Variants in CACNA1E observed in about 807,000 individuals in gnomAD.
The protein encoded by CACNA1E is calcium voltage-gated channel subunit alpha1 E, also known as voltage-dependent R-type calcium channel subunit alpha-1E.
A neutral mutation model predicts 259.2 loss-of-function variants in CACNA1E; 40 were observed. The ratio of observed to expected loss-of-function variants is 0.15; its 90% CI spans 0.12 to 0.20. The LOEUF (loss-of-function observed/expected upper bound fraction) is 0.20, where lower values mean the gene tolerates loss of function less well. Among genes scored for constraint, CACNA1E ranks in the 10% least tolerant of loss-of-function variants. The probability of loss-of-function intolerance (pLI) is 1.00; values close to 1 mark genes in which losing one functional copy is unlikely to be tolerated. For synonymous variants in CACNA1E, 1,104 were observed against 1,138.5 expected (o/e 0.97, Z 0.61); for missense variants, 1,874 against 3,040.1 (o/e 0.62, Z 9.02).
intron 3 of CACNA1E, among the ~76,000 whole-genome samples, chr1:181,542,163 C>G (rs982787542): frequency 6.6e-6 from 1 of 152,168 alleles, no homozygotes; most frequent in Non-Finnish European, 1.5e-5. Flanking sequence ...CTGCAAACCC[C>G]AGCTGACAGC....
At chr1:181,768,250 T>C (rs1242764670) in intron 35 of CACNA1E, among the ~76,000 whole-genome samples, 3 of 152,164 alleles carry the variant, frequency 2.0e-5, no homozygotes, top group Non-Finnish European at 4.4e-5. Flanking sequence ...CTGTTTATCA[T>C]TATTTAAATT....
chr1:181,785,809 G>A lies in CACNA1E; in HGVS notation c.5776G>A (p.Val1926Ile), dbSNP rs765549822. ...KALPYLQQDP[V>I]SGLSGRSGYP... ...CCTGCCTTACCTCCAGCAGGACCCC[G>A]TTTCAGGCCTGTGAGTAGCACCAAA... The change falls in exon 43 of 48, where the codon GTT becomes ATT. Residue 1926 changes from valine to isoleucine, a missense_variant. Around this residue, in one of 14 missense-constraint regions of CACNA1E, gnomAD observed 542 missense variants for 587.2 expected, o/e 0.92. Transcript: ENST00000367573. The A allele has an allele frequency of 1.1e-5, 17 of 1,605,174 alleles. No individual in the cohort carries two copies. Among genetic ancestry groups the A allele is most frequent in the South Asian group, 6.7e-5 (6 of 89,782 alleles).
intron 6 of CACNA1E, among the ~76,000 whole-genome samples, chr1:181,587,544 C>G (rs1359166160): frequency 2.0e-5 from 3 of 152,076 alleles, no homozygotes; most frequent in Non-Finnish European, 4.4e-5. Context: ...GGCGGAGAAA[C>G]CGTGAAAAGG....
chr1:181,458,286 G>A (rs1661586050), intron 2 of CACNA1E, among the ~76,000 whole-genome samples: 1 of 152,168 alleles, frequency 6.6e-6, no homozygotes, highest in Non-Finnish European at 1.5e-5. Flanking sequence ...GGGGACTCCT[G>A]GTGTTACAGA....
At chr1:181,360,300 C>T (rs1439261082) in intron 1 of CACNA1E, among the ~76,000 whole-genome samples, 1 of 152,184 alleles carries the variant, frequency 6.6e-6, no homozygotes, top group African/African-American at 2.4e-5. Context: ...TGGTACATGC[C>T]TGTTCATAGA....
chr1:181,409,908 G>A (rs999932067), intron 1 of CACNA1E, among the ~76,000 whole-genome samples: 18 of 152,236 alleles, frequency 1.2e-4, no homozygotes, highest in African/African-American at 3.9e-4. Flanking sequence ...TTGGCAAAGT[G>A]TCTGGGAAGA....
At position 181,330,491 on chromosome 1, in the gene CACNA1E, G is replaced by A. The variant is rs539007685; in HGVS notation, c.-15+12368G>A. Among the ~76,000 whole-genome samples, 7 of 152,298 alleles carry A rather than the reference G, an allele frequency of 4.6e-5. No homozygotes were observed. The East Asian group carries it at 1.4e-3, about 29-fold the overall frequency. ...AGCCTGGGGAAGGTGCCTGGGGAAC[G>A]GGGCAAACACAGCCCGAGTTCCGTG... On this transcript the variant is annotated intron_variant, in intron 1 of 11. Transcript: ENST00000524607.
At chr1:181,509,014 G>A (rs899736717) in intron 1 of CACNA1E, among the ~76,000 whole-genome samples, 8 of 152,114 alleles carry the variant, frequency 5.3e-5, no homozygotes, top group African/African-American at 1.9e-4. Flanking sequence ...CTAGAGGTGC[G>A]TGGGAAGGAA....
chr1:181,615,656 T>G (rs1655139618), intron 6 of CACNA1E, among the ~76,000 whole-genome samples: 1 of 152,238 alleles, frequency 6.6e-6, no homozygotes, highest in Admixed American at 6.5e-5. Flanking sequence ...TGAAGATTCT[T>G]TTGGATTTTC....
Position 181,651,707 on chromosome 1 carries a change from C to A in CACNA1E, c.1055+266C>A, listed in dbSNP as rs1658773688. 2.6e-5 allele frequency: 7 copies of A among 273,280 alleles called. No individual in the cohort carries two copies. In the South Asian group the frequency reaches 3.3e-4, roughly 13 times the overall value. 16.9% of individuals were successfully genotyped at this position (273,280 alleles called of 1,614,324 possible). A position where few individuals can be genotyped will look rare whatever the true frequency, so the allele number is the denominator to read the frequency against. ...ATGTAGTGAGAGTTCATTTATTCAT[C>A]CATGCTTTCATTCAGTAACTCAGCA... On this transcript the variant is annotated intron_variant, in intron 7 of 47. Coordinates refer to ENST00000367573, the MANE Select transcript of CACNA1E (RefSeq NM_001205293.3).
At chr1:181,728,117 C>T (rs1655086638) in intron 18 of CACNA1E, among the ~76,000 whole-genome samples, 1 of 152,194 alleles carries the variant, frequency 6.6e-6, no homozygotes, top group Non-Finnish European at 1.5e-5. Flanking sequence ...GTAATTTCTA[C>T]TCCACCTTCC....
At chr1:181,526,021 C>T (rs1667332447) in intron 3 of CACNA1E, among the ~76,000 whole-genome samples, 1 of 152,094 alleles carries the variant, frequency 6.6e-6, no homozygotes. Context: ...TGGAAAAGGG[C>T]TCCTTAATTC....
chr1:181,375,792 C>A (rs1356723790), intron 1 of CACNA1E, among the ~76,000 whole-genome samples: 1 of 152,152 alleles, frequency 6.6e-6, no homozygotes, highest in Admixed American at 6.5e-5. Context: ...CTCTGGGAGA[C>A]CTTTCCTGAT....
At chr1:181,510,839 C>G (rs554008848) in intron 2 of CACNA1E, among the ~76,000 whole-genome samples, 5 of 152,340 alleles carry the variant, frequency 3.3e-5, no homozygotes, top group Admixed American at 1.3e-4. Flanking sequence ...CTCCTCTTTC[C>G]TAAGGGACTT....
At chr1:181,676,983 T>A (rs1466619212) in intron 7 of CACNA1E, among the ~76,000 whole-genome samples, 1 of 152,216 alleles carries the variant, frequency 6.6e-6, no homozygotes, top group East Asian at 1.9e-4. Context: ...CCTCCTGAAC[T>A]GTAATAGATG....
chr1:181,577,664 G>C, intron 3 of CACNA1E, 102 bp from the exon 4 acceptor site: 1 of 700,266 alleles, frequency 1.4e-6, no homozygotes. Flanking sequence ...CGTCAGCGCT[G>C]TGTGCTTTCC....
chr1:181,688,691 A>T (rs888527420), intron 7 of CACNA1E, among the ~76,000 whole-genome samples: 1 of 152,208 alleles, frequency 6.6e-6, no homozygotes, highest in Non-Finnish European at 1.5e-5. Context: ...GTAATTGTCA[A>T]ATATACAATA....
intron 2 of CACNA1E, among the ~76,000 whole-genome samples, chr1:181,441,775 GT>G (rs1008872339): frequency 6.6e-6 from 1 of 152,166 alleles, no homozygotes; most frequent in African/African-American, 2.4e-5. Context: ...CTGTAAGTGT[GT>G]TTGGGCTGGA....
At chr1:181,718,611 AACACACACACACACACACACACACACAC>A (rs60522141) in intron 12 of CACNA1E, among the ~76,000 whole-genome samples, 6 of 124,246 alleles carry the variant, frequency 4.8e-5, no homozygotes, top group African/African-American at 9.2e-5. Flanking sequence ...CCCTCATTCA[AACACACACACACACACACACACACACAC>A]ACACACACAC....
Sources: gnomAD v4.1 joint callset for allele counts (sites outside exome capture counted in the v4.1 genomes callset) on GRCh38, gnomAD v4.1.1 for gene constraint, gnomAD v4.1.1 regional missense constraint, MANE v1.5 for transcripts, NCBI Gene and HGNC (gene_info 2026-07-23, HGNC 2026-07-21) for gene names.